CCDC7: variants seen among roughly 807,000 people sequenced by gnomAD.
CCDC7 encodes the protein coiled-coil domain-containing protein 7.
Under a neutral mutation model 196.9 loss-of-function variants are expected in CCDC7, and 183 were observed. The observed-to-expected ratio is 0.93, with a 90% CI of 0.82 to 1.05. The LOEUF (loss-of-function observed/expected upper bound fraction) is 1.05. Ranked by LOEUF, CCDC7 falls within the 50% of genes least tolerant of loss-of-function variation. The pLI is 0.00. For missense variants in CCDC7, 1,540 were observed against 1,482.2 expected (o/e 1.04, Z -0.64); for synonymous variants, 525 against 484.6 (o/e 1.08, Z -1.10).
At chr10:32,658,160 C>T (rs1407279701) in intron 20 of CCDC7, among the ~76,000 whole-genome samples, 2 of 152,218 alleles carry the variant, frequency 1.3e-5, no homozygotes, top group Non-Finnish European at 2.9e-5. Context: ...CAACCTCTGC[C>T]TGTTACCTAG....
chr10:32,704,042 G>T (rs572403348), intron 24 of CCDC7, among the ~76,000 whole-genome samples: 2 of 152,088 alleles, frequency 1.3e-5, no homozygotes, highest in African/African-American at 4.8e-5. Flanking sequence ...ACCCAGCTTT[G>T]TTCCATTGCT....
chr10:32,825,928 C>A (rs1165958000), intron 32 of CCDC7, among the ~76,000 whole-genome samples: 1 of 152,168 alleles, frequency 6.6e-6, no homozygotes, highest in Middle Eastern at 3.2e-3. Flanking sequence ...GCTGGAGACA[C>A]TGAATTTGTA....
At chr10:32,626,641 A>G (rs1164834143) in intron 18 of CCDC7, among the ~76,000 whole-genome samples, 13 of 151,966 alleles carry the variant, frequency 8.6e-5, no homozygotes, top group Admixed American at 3.9e-4. Flanking sequence ...GCCTACACCA[A>G]TGCTGTGCAG....
chr10:32,511,460 A>G (rs1332746213), intron 9 of CCDC7: 10 of 1,606,650 alleles, frequency 6.2e-6, no homozygotes, highest in Non-Finnish European at 7.7e-6. Flanking sequence ...GACTCTGTTC[A>G]TATATACTCT....
At chr10:32,486,350 G>A (rs1236085539) in intron 8 of CCDC7, among the ~76,000 whole-genome samples, 2 of 151,348 alleles carry the variant, frequency 1.3e-5, no homozygotes, top group Non-Finnish European at 2.9e-5. Context: ...CATTTGCTTG[G>A]TAGATCTTCC....
In CCDC7 at chr10:32,685,966, G is replaced by A; in HGVS notation, c.2123-4G>A. 6.6e-7 allele frequency: 1 copy of A among 1,508,370 alleles called. No homozygotes were observed. Among genetic ancestry groups the A allele is most frequent in the Admixed American group, 2.2e-5 (1 of 45,958 alleles). 93.4% of individuals were successfully genotyped at this position (1,508,370 alleles called of 1,614,324 possible). On this transcript the variant is annotated splice_region_variant and splice_polypyrimidine_tract_variant and intron_variant, in intron 21 of 41. Transcript: ENST00000639629. Reference sequence around the variant, plus strand: ...AGTGGAATAAATGTATTTTCTTTATGTAGCTCATAATGAAGTACCAAATGA... The same window carrying A: ...AGTGGAATAAATGTATTTTCTTTATATAGCTCATAATGAAGTACCAAATGA...
intron 29 of CCDC7, among the ~76,000 whole-genome samples, chr10:32,784,613 C>T (rs2081541226): frequency 6.6e-6 from 1 of 152,126 alleles, no homozygotes; most frequent in African/African-American, 2.4e-5. Flanking sequence ...CGCTCTGTCG[C>T]CAGGCTGGAG....
chr10:32,797,067 C>T (rs1193688006), intron 29 of CCDC7, among the ~76,000 whole-genome samples: 2 of 152,060 alleles, frequency 1.3e-5, no homozygotes, highest in African/African-American at 4.8e-5. Context: ...TACTTGCACA[C>T]GCATGTTTAT....
intron 13 of CCDC7, among the ~76,000 whole-genome samples, chr10:32,560,404 G>A (rs1489261196): frequency 2.0e-5 from 3 of 152,056 alleles, no homozygotes; most frequent in African/African-American, 7.2e-5. Flanking sequence ...AGGAAAAAAT[G>A]TTAAGGGCAG....
chr10:32,585,770 A>G (rs2059207716), intron 18 of CCDC7, among the ~76,000 whole-genome samples: 1 of 152,106 alleles, frequency 6.6e-6, no homozygotes. Context: ...TATCCAGTCT[A>G]TCATTGATGG....
chr10:32,459,095 TAGTATATAAAC>T (rs1163856958), intron 3 of CCDC7, among the ~76,000 whole-genome samples: 10 of 152,198 alleles, frequency 6.6e-5, no homozygotes, highest in Non-Finnish European at 4.4e-5. Flanking sequence ...TTTTTTCAGC[TAGTATATAAAC>T]ATGCCACTGA....
intron 41 of CCDC7, among the ~76,000 whole-genome samples, chr10:32,855,127 G>A (rs964934343): frequency 6.6e-5 from 10 of 151,862 alleles, no homozygotes; most frequent in Non-Finnish European, 1.3e-4. Context: ...TAAGATATCA[G>A]TACCACTCAA....
chr10:32,848,849 C>A (rs192720442), intron 39 of CCDC7, 131 bp downstream of exon 40: 5 of 743,764 alleles, frequency 6.7e-6, no homozygotes, highest in East Asian at 2.8e-5. Flanking sequence ...TTCTTACAAG[C>A]GTAAAAATAA....
intron 18 of CCDC7, among the ~76,000 whole-genome samples, chr10:32,586,501 GT>G (rs2059293722): frequency 6.6e-6 from 1 of 152,120 alleles, no homozygotes; most frequent in African/African-American, 2.4e-5. Context: ...GGATTTTATG[GT>G]TTTAGGTCCT....
chr10:32,499,082 T>TTTC, intron 9 of CCDC7: 1 of 138,656 alleles, frequency 7.2e-6, no homozygotes, highest in Middle Eastern at 3.7e-3. Context: ...GTTTTGTTTG[T>TTTC]TTCTTTTTTT....
At chr10:32,872,907 G>A (rs952488196) in intron 41 of CCDC7, among the ~76,000 whole-genome samples, 86 of 152,130 alleles carry the variant, frequency 5.7e-4, no homozygotes, top group African/African-American at 1.3e-3. Flanking sequence ...CTGAGAGATC[G>A]GCTGTTAGTC....
chr10:32,652,688 A>T (rs1030253624), intron 20 of CCDC7, among the ~76,000 whole-genome samples: 1 of 152,208 alleles, frequency 6.6e-6, no homozygotes, highest in African/African-American at 2.4e-5. Flanking sequence ...AAAACTAAAA[A>T]AAACTTTATA....
chr10:32,555,951 G>C (rs1430868668), intron 13 of CCDC7, among the ~76,000 whole-genome samples: 1 of 152,156 alleles, frequency 6.6e-6, no homozygotes, highest in East Asian at 1.9e-4. Context: ...ATAGCTCTGG[G>C]TAGTTTAAAG....
chr10:32,792,248 A>T (rs1280520725), intron 29 of CCDC7, among the ~76,000 whole-genome samples: 1 of 152,214 alleles, frequency 6.6e-6, no homozygotes, highest in Non-Finnish European at 1.5e-5. Flanking sequence ...TCATGAATAC[A>T]TATGGAAGTA....
Sources: gnomAD v4.1 joint callset for allele counts (sites outside exome capture counted in the v4.1 genomes callset) on GRCh38, gnomAD v4.1.1 for gene constraint, MANE v1.5 for transcripts, NCBI Gene and HGNC (gene_info 2026-07-23, HGNC 2026-07-21) for gene names.